Variants in ENO4 observed in about 807,000 individuals in gnomAD.
ENO4 encodes the protein 2-phospho-D-glycerate hydro-lyase.
ENO4 carries 53 observed loss-of-function variants against 63.2 expected under a neutral mutation model. The observed-to-expected ratio is 0.84, with a 90% confidence interval of 0.67 to 1.05. The LOEUF (loss-of-function observed/expected upper bound fraction) is 1.05, where lower values mean the gene tolerates loss of function less well. Among genes scored for constraint, ENO4 ranks in the 50% least tolerant of loss-of-function variants. ENO4 has a pLI of 0.00. For synonymous variants in ENO4, 266 were observed against 283.8 expected (o/e 0.94, Z 0.63); for missense variants, 719 against 772.0 (o/e 0.93, Z 0.81).
chr10:116,910,239 G>C (rs1848136574), intron 10 of ENO4, among the ~76,000 whole-genome samples: 1 of 152,168 alleles, frequency 6.6e-6, no homozygotes, highest in Non-Finnish European at 1.5e-5. Flanking sequence ...AGGATCATGA[G>C]CTCTACTTTT....
At position 116,855,864 on chromosome 10, in the gene ENO4, T is replaced by C. The variant is rs888986789; in HGVS notation, c.294+113T>C. The C allele has an allele frequency of 2.5e-6, 3 of 1,208,082 alleles. No homozygotes were observed. The African/African-American group carries it at 4.6e-5, about 19-fold the overall frequency. 74.8% of individuals were successfully genotyped at this position (1,208,082 alleles called of 1,614,324 possible). A position where few individuals can be genotyped will look rare whatever the true frequency, so the allele number is the denominator to read the frequency against. On this transcript the variant is annotated intron_variant, in intron 2 of 13. Transcript: ENST00000341276. Reference sequence around the variant, plus strand: ...TTTGAAATTCAGTGTTTGTGAAATATATTTCATAGGTAGTCATGTAAGCAT... The same window carrying C: ...TTTGAAATTCAGTGTTTGTGAAATACATTTCATAGGTAGTCATGTAAGCAT...
At position 116,881,628 on chromosome 10, in the gene ENO4, G is replaced by C. The variant is rs1025931260; in HGVS notation, c.1837G>C (p.Gly613Arg). The change falls in exon 14 of 14, where the codon GGT becomes CGT. Residue 613 changes from glycine to arginine, a missense_variant. Gly to Arg is a moderately radical substitution (Grantham distance 125, BLOSUM62 -2). This residue lies in a region of ENO4 where 168 missense variants were observed against 163.3 expected (regional missense o/e 1.03). Coordinates refer to ENST00000341276, the MANE Select transcript of ENO4 (RefSeq NM_001242699.2). ...GCTGGTGCCCACCTTCCCCACACAA[G>C]GTGTAGAGGAATCAGCCGAAACAGG... ...EPLVPTFPTQ[G>R]VEESAETGAS... is the part of the protein sequence containing the mutation. The C allele has an allele frequency of 1.2e-5, 18 of 1,549,564 alleles. No individual in the cohort carries two copies. The East Asian group carries it at 3.4e-4, about 29-fold the overall frequency.
At chr10:116,894,281 T>TA (rs1253670663) in intron 10 of ENO4, among the ~76,000 whole-genome samples, 2 of 152,178 alleles carry the variant, frequency 1.3e-5, no homozygotes, top group Non-Finnish European at 2.9e-5. Context: ...CAAATTAAAA[T>TA]AAAAATGGTT....
chr10:116,879,264 T>C (rs1284515281), intron 11 of ENO4, 27 bp from the exon 12 acceptor site: 4 of 1,527,128 alleles, frequency 2.6e-6, no homozygotes, highest in Non-Finnish European at 3.5e-6. Flanking sequence ...CTACACCATA[T>C]AAAACTGAAA....
chr10:116,901,870 T>C, intron 10 of ENO4: 3 of 1,608,024 alleles, frequency 1.9e-6, no homozygotes, highest in Non-Finnish European at 2.5e-6. Context: ...CAGAGTTTTC[T>C]TGTTCAAGGC....
chr10:116,851,469 C>G (rs979821515), intron 1 of ENO4, among the ~76,000 whole-genome samples: 3 of 152,194 alleles, frequency 2.0e-5, no homozygotes, highest in South Asian at 4.1e-4. Context: ...ACTCCAGCCT[C>G]GGCAACAGAG....
intron 4 of ENO4, 107 bp from the exon 5 acceptor site, chr10:116,860,687 T>C: frequency 1.2e-6 from 1 of 836,880 alleles, no homozygotes; most frequent in Non-Finnish European, 1.6e-6. Flanking sequence ...AGGTAGAGCA[T>C]TTGTTGTTCC....
chr10:116,890,570 C>T (rs1847309517), intron 10 of ENO4, among the ~76,000 whole-genome samples: 1 of 152,184 alleles, frequency 6.6e-6, no homozygotes, highest in East Asian at 1.9e-4. Context: ...AGACTATGTG[C>T]TCAAAGGCTA....
chr10:116,852,617 G>A (rs1217895254), intron 1 of ENO4, among the ~76,000 whole-genome samples: 2 of 152,220 alleles, frequency 1.3e-5, no homozygotes, highest in Non-Finnish European at 2.9e-5. Flanking sequence ...CAAACAGAGA[G>A]TTGATCAGTG....
downstream of ENO4, chr10:116,885,337 C>T (rs1847132691): frequency 6.6e-6 from 1 of 152,422 alleles, no homozygotes; most frequent in Non-Finnish European, 1.5e-5. Context: ...AAACAATCAA[C>T]TTTGAAAAGC....
At chr10:116,868,796 C>A in intron 8 of ENO4, 90 bp downstream of exon 8, 1 of 1,206,732 alleles carries the variant, frequency 8.3e-7, no homozygotes, top group Non-Finnish European at 1.2e-6. Flanking sequence ...CTTTTTGCTC[C>A]AAGACCAGGA....
chr10:116,888,967 G>A (rs1564859662), intron 10 of ENO4, among the ~76,000 whole-genome samples: 1 of 152,258 alleles, frequency 6.6e-6, no homozygotes, highest in Non-Finnish European at 1.5e-5. Context: ...TGAGTCACCA[G>A]TACGAAGGTT....
intron 7 of ENO4, among the ~76,000 whole-genome samples, chr10:116,865,256 C>T (rs932996895): frequency 1.2e-4 from 19 of 152,142 alleles, no homozygotes; most frequent in African/African-American, 4.1e-4. Context: ...GGCACGATTT[C>T]GGCTCACTGC....
intron 10 of ENO4, among the ~76,000 whole-genome samples, chr10:116,904,670 A>C (rs1022987203): frequency 9.2e-5 from 14 of 152,292 alleles, no homozygotes; most frequent in Admixed American, 3.3e-4. Flanking sequence ...AATTCCCACC[A>C]TGTTCATGAA....
chr10:116,879,504 G>A (rs577753190), intron 12 of ENO4, 146 bp downstream of exon 12: 4 of 656,926 alleles, frequency 6.1e-6, no homozygotes, highest in South Asian at 4.4e-5. Context: ...TTTGCAAAGA[G>A]CTAATCTTTG....
At chr10:116,877,077 G>A (rs1046756189) in intron 11 of ENO4, among the ~76,000 whole-genome samples, 15 of 152,168 alleles carry the variant, frequency 9.9e-5, no homozygotes, top group African/African-American at 3.4e-4. Context: ...ATCTGCACTA[G>A]CCAGGCTTCC....
At chr10:116,896,164 C>T (rs771598003) in intron 10 of ENO4, among the ~76,000 whole-genome samples, 8 of 152,008 alleles carry the variant, frequency 5.3e-5, no homozygotes, top group Non-Finnish European at 1.0e-4. Flanking sequence ...GCATTTCCCC[C>T]GAAAATGCTT....
intron 8 of ENO4, among the ~76,000 whole-genome samples, chr10:116,870,530 C>T (rs1846659533): frequency 6.6e-6 from 1 of 152,026 alleles, no homozygotes; most frequent in African/African-American, 2.4e-5. Context: ...AGTCTCAGCT[C>T]CTCAGGAGGT....
chr10:116,877,209 T>C (rs1846863269), intron 11 of ENO4, among the ~76,000 whole-genome samples: 1 of 152,144 alleles, frequency 6.6e-6, no homozygotes, highest in African/African-American at 2.4e-5. Flanking sequence ...TACCGCAGTA[T>C]TGTAAATTTC....
Sources: allele counts gnomAD v4.1 joint callset (sites outside exome capture counted in the v4.1 genomes callset), GRCh38; gene constraint gnomAD v4.1.1; regional missense constraint gnomAD v4.1.1; transcripts MANE v1.5; gene names NCBI Gene and HGNC (gene_info 2026-07-23, HGNC 2026-07-21).